The following C10orf67 variants were observed in gnomAD, a reference collection of about 807,000 sequenced individuals.
C10orf67 encodes the protein uncharacterized protein C10orf67, mitochondrial.
A neutral mutation model predicts 35.6 loss-of-function variants in C10orf67; 60 were observed. The observed-to-expected ratio is 1.68, with a 90% CI of 1.37 to 2.09. The LOEUF (loss-of-function observed/expected upper bound fraction) is 2.09, where lower values mean the gene tolerates loss of function less well. Ranked by LOEUF, C10orf67 falls within the 30% of genes most tolerant of loss-of-function variation. The pLI is 0.00. For synonymous variants in C10orf67, 167 were observed against 115.8 expected, an observed-to-expected ratio of 1.44 and a Z score of -2.84; for missense variants, 474 against 330.2, an observed-to-expected ratio of 1.44 and a Z score of -3.38.
chr10:23,295,013 C>T (rs1324767201), intron 5 of C10orf67, among the ~76,000 whole-genome samples: 1 of 151,980 alleles, frequency 6.6e-6, no homozygotes, highest in Non-Finnish European at 1.5e-5. Context: ...AATGGTGACA[C>T]GTATGCTTTC....
At chr10:23,299,849 G>A (rs1294415403) in intron 5 of C10orf67, among the ~76,000 whole-genome samples, 1 of 151,992 alleles carries the variant, frequency 6.6e-6, no homozygotes, top group Non-Finnish European at 1.5e-5. Flanking sequence ...GTGGTGGCGG[G>A]CGCCTGTAGT....
chr10:23,263,898 C>T (rs1323297905), intron 10 of C10orf67, among the ~76,000 whole-genome samples: 2 of 152,168 alleles, frequency 1.3e-5, no homozygotes, highest in African/African-American at 2.4e-5. Context: ...AGAAATCAGA[C>T]AGCTAATGTT....
intron 4 of C10orf67, among the ~76,000 whole-genome samples, chr10:23,304,653 C>A (rs766006455): frequency 1.2e-4 from 19 of 152,082 alleles, no homozygotes; most frequent in Non-Finnish European, 2.2e-4. Flanking sequence ...AGCCATGAAG[C>A]AGCCCTGTAA....
rs76826954 is a variant in C10orf67 at position 23,204,271 on chromosome 10, G to C, written c.1571-16C>G. 2.0e-4 allele frequency: 122 copies of C among 620,022 alleles called. 2 individuals are homozygous for C. The East Asian group carries it at 3.7e-3, about 19-fold the overall frequency. 38.4% of individuals were successfully genotyped at this position (620,022 alleles called of 1,614,324 possible). A position where few individuals can be genotyped will look rare whatever the true frequency, so the allele number is the denominator to read the frequency against. ...GACAACTTCCCTAAACGTGAAGAAAGGTGGACAGACATAAACTTTGTTTTA... is the reference window on the plus strand; with the variant it reads ...GACAACTTCCCTAAACGTGAAGAAACGTGGACAGACATAAACTTTGTTTTA... On this transcript the variant is annotated splice_polypyrimidine_tract_variant and intron_variant, in intron 15 of 15. Transcript: ENST00000636213.
chr10:23,289,772 G>A lies in C10orf67; in HGVS notation c.909+128C>T, dbSNP rs575270596. ...TCTAGTCACCCTTCCCAAATAGTGG[G>A]GAGAGATTAAATATGTGAATCAACT... On this transcript the variant is annotated intron_variant, in intron 7 of 15. Transcript: ENST00000636213. 13 of 590,334 alleles carry A rather than the reference G, an allele frequency of 2.2e-5. No individual in the cohort carries two copies. In the Admixed American group the frequency reaches 2.8e-4, roughly 13 times the overall value. 36.6% of individuals were successfully genotyped at this position (590,334 alleles called of 1,614,324 possible).
chr10:23,253,928 T>C (rs948686985), intron 10 of C10orf67, among the ~76,000 whole-genome samples: 3 of 151,994 alleles, frequency 2.0e-5, no homozygotes, highest in Non-Finnish European at 2.9e-5. Context: ...CCAGTTCGAG[T>C]TGAACTTTCA....
chr10:23,211,661 C>A (rs547812376), intron 15 of C10orf67, among the ~76,000 whole-genome samples: 1 of 152,108 alleles, frequency 6.6e-6, no homozygotes, highest in African/African-American at 2.4e-5. Flanking sequence ...TGTGGGATAA[C>A]AATAACTGCA....
chr10:23,272,878 ATAT>A, intron 8 of C10orf67, among the ~76,000 whole-genome samples: 1 of 152,310 alleles, frequency 6.6e-6, no homozygotes. Flanking sequence ...GCAGTATTTT[ATAT>A]TATTAACTGT....
chr10:23,283,234 AC>A lies in C10orf67; in HGVS notation c.910-1157del, dbSNP rs558597723. Among the ~76,000 whole-genome samples the A allele has an allele frequency of 5.6e-3, 843 of 151,784 alleles. 12 individuals carry two copies. The highest frequency in any genetic ancestry group is 0.019 in the African/African-American group (806 of 41,354). On this transcript the variant is annotated intron_variant, in intron 7 of 15. Transcript: ENST00000636213. ...ATTAAAAATGAAAAAACAAACAAAA[AC>A]CCCATTCACTGCAGGGCCCTTGTTC...
chr10:23,230,349 G>A (rs1237143778), intron 13 of C10orf67, among the ~76,000 whole-genome samples: 4 of 152,004 alleles, frequency 2.6e-5, no homozygotes, highest in South Asian at 4.2e-4. Context: ...AGCAAAACAA[G>A]CCAAAAGTTT....
intron 4 of C10orf67, among the ~76,000 whole-genome samples, chr10:23,304,811 C>A (rs1357852592): frequency 6.6e-6 from 1 of 152,158 alleles, no homozygotes. Context: ...TCTGCAAACC[C>A]AACTGTGAAA....
At chr10:23,283,407 T>A (rs1487686791) in intron 7 of C10orf67, among the ~76,000 whole-genome samples, 1 of 152,212 alleles carries the variant, frequency 6.6e-6, no homozygotes, top group Non-Finnish European at 1.5e-5. Context: ...AGTGTCACTG[T>A]TCTTGTTTCA....
At chr10:23,217,259 T>A (rs959660747) in intron 15 of C10orf67, among the ~76,000 whole-genome samples, 1 of 152,224 alleles carries the variant, frequency 6.6e-6, no homozygotes, top group Non-Finnish European at 1.5e-5. Context: ...TCATAAATAC[T>A]ACTTTTCTGA....
chr10:23,320,641 T>G, intron 4 of C10orf67, 100 bp downstream of exon 4: 1 of 876,900 alleles, frequency 1.1e-6, no homozygotes, highest in Non-Finnish European at 1.8e-6. Context: ...CCTTCAGAGC[T>G]GGAAACACAG....
rs548870011 is a variant in C10orf67, at chr10:23,275,029, T to C, written c.975+6984A>G. Among the ~76,000 whole-genome samples, 5 of 152,332 alleles carry C rather than the reference T, an allele frequency of 3.3e-5. No individual in the cohort carries two copies. The East Asian group carries it at 5.8e-4, about 18-fold the overall frequency. ...TTGCTGCAACACACAGGTGGTTCCT[T>C]ATTTCCTTGTGTGCTTCCTTATCTT... On this transcript the variant is annotated intron_variant, in intron 8 of 15. Coordinates refer to ENST00000636213, the MANE Select transcript of C10orf67 (RefSeq NM_001371909.1).
intron 13 of C10orf67, among the ~76,000 whole-genome samples, chr10:23,234,692 T>C (rs1170583210): frequency 6.7e-6 from 1 of 149,966 alleles, no homozygotes; most frequent in African/African-American, 2.5e-5. Context: ...AGTTAAATAA[T>C]GAGTTTCAAG....
intron 1 of C10orf67, among the ~76,000 whole-genome samples, chr10:23,341,796 T>C (rs530396410): frequency 6.6e-6 from 1 of 152,242 alleles, no homozygotes; most frequent in African/African-American, 2.4e-5. Context: ...TGATAGATCC[T>C]TAGGGCTCCC....
At chr10:23,222,584 A>G (rs1269736270) in intron 15 of C10orf67, among the ~76,000 whole-genome samples, 1 of 152,140 alleles carries the variant, frequency 6.6e-6, no homozygotes, top group Non-Finnish European at 1.5e-5. Context: ...AGTTCCATCA[A>G]AGCCCAAACC....
intron 5 of C10orf67, among the ~76,000 whole-genome samples, chr10:23,291,833 C>A (rs891285255): frequency 6.6e-6 from 1 of 152,058 alleles, no homozygotes; most frequent in Non-Finnish European, 1.5e-5. Context: ...CACGGATATC[C>A]ACACAGTTGG....
Sources: gnomAD v4.1 joint callset for allele counts (sites outside exome capture counted in the v4.1 genomes callset) on GRCh38, gnomAD v4.1.1 for gene constraint, MANE v1.5 for transcripts, NCBI Gene and HGNC (gene_info 2026-07-23, HGNC 2026-07-21) for gene names.